Variants in METTL15 observed in about 807,000 individuals in gnomAD.
The protein encoded by METTL15 is 12S rRNA N(4)-cytidine methyltransferase METTL15.
A neutral mutation model predicts 38.3 loss-of-function variants in METTL15; 34 were observed. That is an observed-to-expected ratio of 0.89 (90% confidence interval 0.68 to 1.18). The LOEUF (loss-of-function observed/expected upper bound fraction) is 1.18, where lower values mean the gene tolerates loss of function less well. Ranked by LOEUF, METTL15 falls within the 50% of genes most tolerant of loss-of-function variation. The pLI, the probability that METTL15 is intolerant of heterozygous loss-of-function variation, is 0.00. For synonymous variants in METTL15, 162 were observed against 170.9 expected (o/e 0.95, Z 0.41); for missense variants, 438 against 498.4 (o/e 0.88, Z 1.15).
At chr11:28,109,001 C>A (rs1851602968) in intron 1 of METTL15, among the ~76,000 whole-genome samples, 1 of 152,132 alleles carries the variant, frequency 6.6e-6, no homozygotes, top group African/African-American at 2.4e-5. Context: ...TTATTGTATC[C>A]ATTTAGCAAT....
At chr11:28,253,630 T>TC (rs1190296164) in intron 4 of METTL15, among the ~76,000 whole-genome samples, 4 of 17,376 alleles carry the variant, frequency 2.3e-4, no homozygotes, top group Non-Finnish European at 4.9e-4. Context: ...CTACCCTCCC[T>TC]CCCCCCGCCA....
intron 4 of METTL15, among the ~76,000 whole-genome samples, chr11:28,240,449 A>G (rs1268485134): frequency 6.6e-6 from 1 of 152,184 alleles, no homozygotes; most frequent in Admixed American, 6.5e-5. Context: ...CTTAAACTCT[A>G]ATGTGTATTC....
intron 5 of METTL15, among the ~76,000 whole-genome samples, chr11:28,377,491 C>T (rs1199709921): frequency 6.6e-6 from 1 of 152,074 alleles, no homozygotes; most frequent in East Asian, 1.9e-4. Flanking sequence ...AGTTCTCGAG[C>T]CTTGGTTTTC....
intron 5 of METTL15, among the ~76,000 whole-genome samples, chr11:28,382,898 G>T (rs1236508860): frequency 6.6e-6 from 1 of 150,388 alleles, no homozygotes; most frequent in African/African-American, 2.4e-5. Flanking sequence ...CTTCTCTGTG[G>T]CCCTGGGTCC....
At chr11:28,416,906 A>T (rs1445419448) in intron 5 of METTL15, among the ~76,000 whole-genome samples, 1 of 152,226 alleles carries the variant, frequency 6.6e-6, no homozygotes, top group African/African-American at 2.4e-5. Flanking sequence ...TGTAGATTGA[A>T]ATGTGTGACC....
At chr11:28,484,326 G>T (rs1044510945) in intron 6 of METTL15, among the ~76,000 whole-genome samples, 1 of 152,118 alleles carries the variant, frequency 6.6e-6, no homozygotes, top group Admixed American at 6.5e-5. Context: ...GAATATGGAC[G>T]TAGGCAGTCT....
Position 28,394,260 on chromosome 11 carries a change from T to G in METTL15, c.*359-30039T>G, listed in dbSNP as rs770245266. Among the ~76,000 whole-genome samples the G allele has an allele frequency of 1.5e-3, 232 of 152,066 alleles. 11 individuals are homozygous for G. Among genetic ancestry groups the G allele is most frequent in the Non-Finnish European group, 1.4e-3 (97 of 67,996 alleles). ...ATATAAGAGTTCCATTTCTGTTAAT[T>G]AACAGATGGTTAACAAAGAAAAATA... On this transcript the variant is annotated intron_variant and NMD_transcript_variant, in intron 5 of 7. Coordinates refer to the METTL15 transcript ENST00000532947.
chr11:28,415,423 T>C (rs1850764525), intron 5 of METTL15, among the ~76,000 whole-genome samples: 1 of 152,220 alleles, frequency 6.6e-6, no homozygotes, highest in Non-Finnish European at 1.5e-5. Context: ...ATTTTCTTAG[T>C]TCCAGCATTA....
chr11:28,354,736 G>A (rs1003527676), intron 4 of METTL15, among the ~76,000 whole-genome samples: 8 of 152,148 alleles, frequency 5.3e-5, no homozygotes, highest in Non-Finnish European at 1.2e-4. Context: ...TCGGTGAGTG[G>A]TGTAATAATT....
At chr11:28,220,245 C>A (rs1853132667) in intron 4 of METTL15, among the ~76,000 whole-genome samples, 1 of 152,100 alleles carries the variant, frequency 6.6e-6, no homozygotes, top group Non-Finnish European at 1.5e-5. Context: ...CTGGGTGCTC[C>A]TGTATTGGGT....
At chr11:28,487,334 A>G (rs923976812) in intron 6 of METTL15, among the ~76,000 whole-genome samples, 1 of 152,212 alleles carries the variant, frequency 6.6e-6, no homozygotes, top group Non-Finnish European at 1.5e-5. Context: ...TTTATGGTTC[A>G]TTAATACCAT....
chr11:28,444,607 C>G (rs1486055143), intron 6 of METTL15, among the ~76,000 whole-genome samples: 1 of 152,144 alleles, frequency 6.6e-6, no homozygotes, highest in African/African-American at 2.4e-5. Flanking sequence ...TGAATTTGAG[C>G]AAATCACTTA....
intron 5 of METTL15, among the ~76,000 whole-genome samples, chr11:28,411,062 A>G (rs1454719100): frequency 1.3e-5 from 2 of 152,090 alleles, no homozygotes; most frequent in African/African-American, 4.8e-5. Context: ...AAAGATTTGT[A>G]CACTGAACAC....
At chr11:28,263,367 T>C (rs754069781) in intron 4 of METTL15, among the ~76,000 whole-genome samples, 11 of 152,238 alleles carry the variant, frequency 7.2e-5, no homozygotes, top group South Asian at 6.2e-4. Context: ...ATAGATAACA[T>C]TGATGAAGTG....
chr11:28,410,273 C>T (rs763717550), intron 5 of METTL15, among the ~76,000 whole-genome samples: 27 of 152,160 alleles, frequency 1.8e-4, no homozygotes, highest in Admixed American at 2.6e-4. Flanking sequence ...CACATTTTGA[C>T]GAGGCCAGCA....
chr11:28,213,329 C>G lies in METTL15; in HGVS notation c.407+2131C>G, dbSNP rs140085702. On this transcript the variant is annotated intron_variant, in intron 4 of 6. Transcript: ENST00000407364. ...AAAGGATAAAGAGATCACAAGAGAT[C>G]AGTCTTTGAAAATAGCAAAATCACT... 1.6e-3 allele frequency among the ~76,000 whole-genome samples: 249 copies of G among 152,054 alleles called. 2 individuals carry two copies. Among genetic ancestry groups the G allele is most frequent in the African/African-American group, 5.6e-3 (234 of 41,508 alleles).
At chr11:28,390,748 T>G (rs1850496894) in intron 5 of METTL15, among the ~76,000 whole-genome samples, 1 of 152,142 alleles carries the variant, frequency 6.6e-6, no homozygotes, top group Admixed American at 6.6e-5. Flanking sequence ...TAAAGTAGTT[T>G]TTTCCAATTG....
rs188567847 is a variant in METTL15, at chr11:28,473,382, A to G, written c.*424+49018A>G. On this transcript the variant is annotated intron_variant and NMD_transcript_variant, in intron 6 of 7. Coordinates refer to the METTL15 transcript ENST00000532947. ...CCTGCATGTAAAACAAATCCTGGCT[A>G]ATTACGTTTTCATGTTTCTAGGATG... Among the ~76,000 whole-genome samples the G allele has an allele frequency of 9.2e-4, 140 of 152,240 alleles. 1 individual carries two copies. Among genetic ancestry groups the G allele is most frequent in the Admixed American group, 1.5e-3 (23 of 15,286 alleles).
intron 4 of METTL15, chr11:28,287,321 A>C: frequency 8.1e-6 from 2 of 246,528 alleles, no homozygotes; most frequent in South Asian, 9.1e-5. Context: ...TTGTCATTAC[A>C]ATGAAACCAA....
Sources: gnomAD v4.1 joint callset for allele counts (sites outside exome capture counted in the v4.1 genomes callset) on GRCh38, gnomAD v4.1.1 for gene constraint, MANE v1.5 for transcripts, NCBI Gene and HGNC (gene_info 2026-07-23, HGNC 2026-07-21) for gene names.